TRAF3: variants seen among roughly 807,000 people sequenced by gnomAD.
TRAF3 encodes TNF receptor associated factor 3.
In TRAF3, 13 loss-of-function variants were observed where a neutral mutation model predicts 62.3. The ratio of observed to expected loss-of-function variants is 0.21; its 90% CI spans 0.14 to 0.33. TRAF3 has a LOEUF of 0.33. Ranked by LOEUF, TRAF3 falls within the 10% of genes least tolerant of loss-of-function variation. The pLI, the probability that TRAF3 is intolerant of heterozygous loss-of-function variation, is 1.00. For missense variants in TRAF3, 440 were observed against 741.8 expected (o/e 0.59, Z 4.73); for synonymous variants, 269 against 283.4 (o/e 0.95, Z 0.51).
chr14:102,790,875 A>G (rs1310128632), intron 1 of TRAF3, among the ~76,000 whole-genome samples: 1 of 151,990 alleles, frequency 6.6e-6, no homozygotes, highest in Non-Finnish European at 1.5e-5. Context: ...ACTTTATATG[A>G]ATTTGAATAT....
intron 1 of TRAF3, among the ~76,000 whole-genome samples, chr14:102,829,458 C>T (rs1211622883): frequency 6.6e-6 from 1 of 152,222 alleles, no homozygotes; most frequent in African/African-American, 2.4e-5. Flanking sequence ...TAGTTTTCAA[C>T]TTCAGGCTGA....
At chr14:102,836,558 G>A (rs1409154123) in intron 2 of TRAF3, among the ~76,000 whole-genome samples, 2 of 152,182 alleles carry the variant, frequency 1.3e-5, no homozygotes, top group Non-Finnish European at 2.9e-5. Context: ...AAATTCTAGG[G>A]TGATCTGGAA....
At chr14:102,778,060 G>A (rs1411671555) in intron 1 of TRAF3, among the ~76,000 whole-genome samples, 2 of 150,468 alleles carry the variant, frequency 1.3e-5, no homozygotes, top group Non-Finnish European at 3.0e-5. Flanking sequence ...CACGCGGGGG[G>A]ACGGGCGGCT....
At position 102,905,908 on chromosome 14, in the gene TRAF3, C is replaced by A; in HGVS notation, c.*124C>A. ...GTGAGACGGAGGAAGCGGCAGAAGG[C>A]GGACGCGTGCCGGCGGGAGGAGCCA... On this transcript the variant is annotated 3_prime_UTR_variant, in exon 12 of 12. Transcript: ENST00000392745. 2.2e-6 allele frequency: 2 copies of A among 897,928 alleles called. No homozygotes were observed. Among genetic ancestry groups the A allele is most frequent in the Non-Finnish European group, 1.7e-6 (1 of 593,966 alleles). 55.6% of individuals were successfully genotyped at this position (897,928 alleles called of 1,614,324 possible).
chr14:102,846,638 T>TAAAAAAAAAA (rs752922791), intron 2 of TRAF3, among the ~76,000 whole-genome samples: 28 of 71,750 alleles, frequency 3.9e-4, no homozygotes, highest in African/African-American at 1.4e-3. Context: ...TCCAGCTTCT[T>TAAAAAAAAAA]AAAAAAAAAA....
Position 102,897,319 on chromosome 14 carries a change from A to G in TRAF3, c.878A>G (p.Asn293Ser), listed in dbSNP as rs751512963. The G allele has an allele frequency of 1.2e-6, 2 of 1,614,030 alleles. No individual in the cohort carries two copies. Among genetic ancestry groups the G allele is most frequent in the Non-Finnish European group, 1.7e-6 (2 of 1,179,944 alleles). The change falls in exon 10 of 12, where the codon AAT becomes AGT. Residue 293 changes from asparagine (N) to serine (S), a missense_variant. Asn to Ser is a conservative substitution (Grantham distance 46, BLOSUM62 1). Transcript: ENST00000392745. Reference sequence around the variant, plus strand: ...AACAAGAGCATACAAAGTTTGCACAATCAGATATGTAGCTTTGAAATTGAA... The same window carrying G: ...AACAAGAGCATACAAAGTTTGCACAGTCAGATATGTAGCTTTGAAATTGAA... The part of the protein sequence containing the change: ...EKNKSIQSLH[N>S]QICSFEIEIE...
At chr14:102,841,547 G>A (rs944103412) in intron 2 of TRAF3, among the ~76,000 whole-genome samples, 1 of 152,246 alleles carries the variant, frequency 6.6e-6, no homozygotes, top group Non-Finnish European at 1.5e-5. Context: ...TGCCTTAGCA[G>A]TGGGGCTGAG....
chr14:102,806,989 TCA>T lies in TRAF3; in HGVS notation c.-156-23342_-156-23341del, dbSNP rs562915064. On this transcript the variant is annotated intron_variant, in intron 1 of 11. Transcript: ENST00000392745. ...GGAGCATTTCTTGGTCCCTCTTCTC[TCA>T]CAATCTGTCGTTGGTGCTCACTTCT... 2.1e-3 allele frequency among the ~76,000 whole-genome samples: 325 copies of T among 152,238 alleles called. 4 individuals are homozygous for T. Among genetic ancestry groups the T allele is most frequent in the East Asian group, 5.4e-3 (28 of 5,178 alleles).
intron 2 of TRAF3, among the ~76,000 whole-genome samples, chr14:102,857,537 A>G (rs960796877): frequency 2.0e-5 from 3 of 152,224 alleles, no homozygotes; most frequent in African/African-American, 4.8e-5. Flanking sequence ...AAGCCCAGCC[A>G]TGGGTTTGTA....
Position 102,777,685 on chromosome 14 carries a change from C to G in TRAF3, c.-157+10C>G, listed in dbSNP as rs2140033196. On this transcript the variant is annotated intron_variant, in intron 1 of 11. Coordinates refer to ENST00000392745, the MANE Select transcript of TRAF3 (RefSeq NM_145725.3). ...GGCGACGGACCGCGAGGTAAGGGGC[C>G]GCGGCGGGCGGGCGGGCCTCCGGCG... The G allele has an allele frequency of 7.0e-6, 1 of 142,900 alleles. No homozygotes were observed. Among genetic ancestry groups the G allele is most frequent in the African/African-American group, 2.5e-5 (1 of 39,918 alleles). 8.9% of individuals were successfully genotyped at this position (142,900 alleles called of 1,614,324 possible). A position where few individuals can be genotyped will look rare whatever the true frequency, so the allele number is the denominator to read the frequency against.
intron 1 of TRAF3, among the ~76,000 whole-genome samples, chr14:102,819,056 A>T (rs887452302): frequency 6.7e-5 from 6 of 89,290 alleles, no homozygotes; most frequent in African/African-American, 2.4e-4. Context: ...CTCTGTCTCT[A>T]AAAAAAAAAA....
At chr14:102,831,475 G>T (rs1483500654) in intron 2 of TRAF3, among the ~76,000 whole-genome samples, 2 of 152,216 alleles carry the variant, frequency 1.3e-5, no homozygotes, top group South Asian at 2.1e-4. Flanking sequence ...ACATGGTGAA[G>T]AGAGGCCTCT....
At chr14:102,777,879 C>T (rs1897089647) in intron 1 of TRAF3, among the ~76,000 whole-genome samples, 1 of 148,786 alleles carries the variant, frequency 6.7e-6, no homozygotes, top group Non-Finnish European at 1.5e-5. Context: ...GCCGGGCTGC[C>T]TCCCGCCTCC....
chr14:102,812,707 C>T (rs1005360546), intron 1 of TRAF3, among the ~76,000 whole-genome samples: 9 of 149,832 alleles, frequency 6.0e-5, no homozygotes, highest in Non-Finnish European at 1.3e-4. Flanking sequence ...ATCACGAGGT[C>T]AGGAGATCGA....
intron 2 of TRAF3, among the ~76,000 whole-genome samples, chr14:102,842,315 A>G (rs1458140815): frequency 1.3e-5 from 2 of 148,148 alleles, no homozygotes; most frequent in African/African-American, 4.9e-5. Context: ...ATAAATTTAT[A>G]TATAGTAAAA....
chr14:102,852,701 AAC>A (rs1205544571), intron 2 of TRAF3, among the ~76,000 whole-genome samples: 1 of 152,042 alleles, frequency 6.6e-6, no homozygotes, highest in Non-Finnish European at 1.5e-5. Flanking sequence ...AAAAATTAAA[AAC>A]AGTTTGTTTT....
intron 6 of TRAF3, among the ~76,000 whole-genome samples, chr14:102,884,509 A>G (rs955469977): frequency 2.0e-5 from 3 of 152,154 alleles, no homozygotes; most frequent in Non-Finnish European, 4.4e-5. Context: ...GAAATGATTA[A>G]TATCAAAAAT....
At chr14:102,874,987 AT>A (rs1888564462) in intron 4 of TRAF3, among the ~76,000 whole-genome samples, 1 of 152,178 alleles carries the variant, frequency 6.6e-6, no homozygotes, top group Non-Finnish European at 1.5e-5. Context: ...AAATCTTTTC[AT>A]TATTAGACTA....
At chr14:102,814,051 A>G (rs1399638705) in intron 1 of TRAF3, among the ~76,000 whole-genome samples, 2 of 152,092 alleles carry the variant, frequency 1.3e-5, no homozygotes, top group Non-Finnish European at 2.9e-5. Flanking sequence ...TCTTATATTT[A>G]GGTCTTTGAT....
Sources: gnomAD v4.1 joint callset for allele counts (sites outside exome capture counted in the v4.1 genomes callset) on GRCh38, gnomAD v4.1.1 for gene constraint, MANE v1.5 for transcripts, NCBI Gene and HGNC (gene_info 2026-07-23, HGNC 2026-07-21) for gene names.